The following ANKS1B variants were observed in gnomAD, a reference collection of about 807,000 sequenced individuals.
ANKS1B encodes ankyrin repeat and sterile alpha motif domain containing 1B, also known as ankyrin repeat and sterile alpha motif domain-containing protein 1B.
Under a neutral mutation model 148.3 loss-of-function variants are expected in ANKS1B, and 36 were observed. That is an observed-to-expected ratio of 0.24 (90% CI 0.19 to 0.32). ANKS1B has a LOEUF of 0.32. ANKS1B is among the 10% of genes least tolerant of loss of function. The pLI is 1.00. For synonymous variants in ANKS1B, 542 were observed against 560.8 expected, an observed-to-expected ratio of 0.97 and a Z score of 0.47; for missense variants, 1,157 against 1,542.6, an observed-to-expected ratio of 0.75 and a Z score of 4.19.
rs553634951 is a variant in ANKS1B at position 98,738,340 on chromosome 12, T to C, written c.691-2706A>G. ...AGAAATGAATAGAAAAATCTGCCTC[T>C]GTAATTTCCATCACCCAGGGCTAGA... On this transcript the variant is annotated intron_variant, in intron 9 of 9. Coordinates refer to the ANKS1B transcript ENST00000341752. Among the ~76,000 whole-genome samples the C allele has an allele frequency of 2.6e-5, 4 of 152,316 alleles. No homozygotes were observed. In the South Asian group the frequency reaches 8.3e-4, roughly 32 times the overall value.
intron 17 of ANKS1B, among the ~76,000 whole-genome samples, chr12:98,952,200 G>A (rs2099855089): frequency 6.6e-6 from 1 of 152,166 alleles, no homozygotes; most frequent in Non-Finnish European, 1.5e-5. Flanking sequence ...ACATCTTTGT[G>A]AGACTTGTAG....
chr12:99,908,710 C>T (rs111676023), intron 1 of ANKS1B, among the ~76,000 whole-genome samples: 3,937 of 152,274 alleles, frequency 0.026, 68 homozygotes, highest in African/African-American at 0.047. Context: ...TATACAACTT[C>T]GGTCTCTGCT....
intron 8 of ANKS1B, among the ~76,000 whole-genome samples, chr12:99,768,214 T>C (rs1374326513): frequency 6.6e-6 from 1 of 152,226 alleles, no homozygotes; most frequent in Middle Eastern, 3.2e-3. Context: ...GGATGTTTCA[T>C]ATCCTATGAA....
At chr12:99,767,961 C>T (rs1271000121) in intron 8 of ANKS1B, among the ~76,000 whole-genome samples, 1 of 152,034 alleles carries the variant, frequency 6.6e-6, no homozygotes, top group South Asian at 2.1e-4. Flanking sequence ...AAAGTTCTTA[C>T]ATAAGATGGC....
intron 1 of ANKS1B, among the ~76,000 whole-genome samples, chr12:99,982,905 C>A (rs1054058105): frequency 1.3e-5 from 2 of 152,164 alleles, no homozygotes; most frequent in African/African-American, 4.8e-5. Context: ...TAGAAACTTT[C>A]CATTTTCCCT....
At chr12:99,315,206 C>G (rs190168735) in intron 12 of ANKS1B, among the ~76,000 whole-genome samples, 15 of 150,816 alleles carry the variant, frequency 9.9e-5, no homozygotes, top group African/African-American at 3.7e-4. Flanking sequence ...TGCCACTGCA[C>G]TCCAGCCTAG....
In ANKS1B at chr12:99,747,566, A is replaced by G. The variant is rs144381036; in HGVS notation, c.1128+25356T>C. Among the ~76,000 whole-genome samples, 560 of 152,240 alleles carry G rather than the reference A, an allele frequency of 3.7e-3. 4 individuals are homozygous for G. Among genetic ancestry groups the G allele is most frequent in the Non-Finnish European group, 3.4e-3 (234 of 68,010 alleles). On this transcript the variant is annotated intron_variant, in intron 8 of 26. Transcript: ENST00000683438. ...TTAATGGATCCCCATTGCCTATAAA[A>G]TATCTTTCATACTATTTATCCAATT...
At chr12:99,199,871 C>G (rs2153896352) in intron 14 of ANKS1B, among the ~76,000 whole-genome samples, 1 of 152,202 alleles carries the variant, frequency 6.6e-6, no homozygotes, top group African/African-American at 2.4e-5. Flanking sequence ...GTGACCATCA[C>G]AGAGCAAATG....
intron 1 of ANKS1B, among the ~76,000 whole-genome samples, chr12:99,926,876 C>G (rs2094490415): frequency 6.6e-6 from 1 of 152,138 alleles, no homozygotes; most frequent in Admixed American, 6.5e-5. Flanking sequence ...TGTCCCCATT[C>G]CCCCATGCTA....
intron 10 of ANKS1B, among the ~76,000 whole-genome samples, chr12:99,493,568 C>T (rs1324159631): frequency 2.0e-5 from 3 of 152,142 alleles, no homozygotes; most frequent in Non-Finnish European, 4.4e-5. Context: ...TACATAATTA[C>T]CCTCATCCTA....
intron 12 of ANKS1B, among the ~76,000 whole-genome samples, chr12:99,374,324 G>A (rs1016282389): frequency 1.3e-5 from 2 of 152,128 alleles, no homozygotes; most frequent in Non-Finnish European, 2.9e-5. Flanking sequence ...TTTTCCCCGT[G>A]TCTGGATGGA....
chr12:99,335,793 G>C (rs981334674), intron 12 of ANKS1B, among the ~76,000 whole-genome samples: 5 of 151,980 alleles, frequency 3.3e-5, no homozygotes, highest in Admixed American at 3.3e-4. Flanking sequence ...CCAAACTTTC[G>C]CTATTGTGAA....
chr12:99,560,836 T>C (rs2097327112), intron 9 of ANKS1B, among the ~76,000 whole-genome samples: 1 of 107,856 alleles, frequency 9.3e-6, no homozygotes, highest in African/African-American at 3.2e-5. Flanking sequence ...TTTCTTTCTT[T>C]TTTCTTTTTT....
At chr12:99,630,678 A>C (rs2098148985) in intron 9 of ANKS1B, among the ~76,000 whole-genome samples, 1 of 152,210 alleles carries the variant, frequency 6.6e-6, no homozygotes, top group African/African-American at 2.4e-5. Flanking sequence ...CACTTTTCTC[A>C]AGGAAGATCT....
chr12:98,777,486 GA>G (rs771253120), intron 24 of ANKS1B, among the ~76,000 whole-genome samples: 30 of 152,224 alleles, frequency 2.0e-4, no homozygotes, highest in Middle Eastern at 3.4e-3. Context: ...TCTCCTCTCG[GA>G]AGACCTCCCT....
At chr12:99,976,103 A>G (rs1477552012) in intron 1 of ANKS1B, among the ~76,000 whole-genome samples, 1 of 152,212 alleles carries the variant, frequency 6.6e-6, no homozygotes, top group Non-Finnish European at 1.5e-5. Flanking sequence ...GGAACAGAAG[A>G]CCAAATACCA....
At chr12:98,903,713 G>A (rs2099775216) in intron 17 of ANKS1B, among the ~76,000 whole-genome samples, 1 of 152,086 alleles carries the variant, frequency 6.6e-6, no homozygotes, top group Non-Finnish European at 1.5e-5. Flanking sequence ...TTGGATTTTT[G>A]GCAGTTGTAA....
intron 17 of ANKS1B, among the ~76,000 whole-genome samples, chr12:98,857,358 C>T (rs1222341376): frequency 1.3e-5 from 2 of 152,298 alleles, no homozygotes; most frequent in East Asian, 3.9e-4. Flanking sequence ...ACTGCTGGGA[C>T]ATAATGACCT....
At chr12:99,659,329 A>C (rs1599028012) in intron 8 of ANKS1B, among the ~76,000 whole-genome samples, 1 of 152,192 alleles carries the variant, frequency 6.6e-6, no homozygotes, top group South Asian at 2.1e-4. Context: ...CATTTATTCC[A>C]AATGCTGTTC....
Sources: allele counts gnomAD v4.1 joint callset (sites outside exome capture counted in the v4.1 genomes callset), GRCh38; gene constraint gnomAD v4.1.1; transcripts MANE v1.5; gene names NCBI Gene and HGNC (gene_info 2026-07-23, HGNC 2026-07-21).